Variants in SNRPN observed in about 807,000 individuals in gnomAD.
The protein encoded by SNRPN is small nuclear ribonucleoprotein-associated protein N.
SNRPN carries 7 observed loss-of-function variants against 25.2 expected under a neutral mutation model. That is an observed-to-expected ratio of 0.28 (90% CI 0.16 to 0.52). SNRPN has a LOEUF of 0.52. SNRPN is among the 20% of genes least tolerant of loss of function. The pLI is 0.96. For synonymous variants in SNRPN, 124 were observed against 110.6 expected, an observed-to-expected ratio of 1.12 and a Z score of -0.76; for missense variants, 196 against 322.5, an observed-to-expected ratio of 0.61 and a Z score of 3.00.
intron 2 of SNRPN, among the ~76,000 whole-genome samples, chr15:24,905,746 A>G (rs954807454): frequency 6.6e-6 from 1 of 152,226 alleles, no homozygotes; most frequent in Non-Finnish European, 1.5e-5. Flanking sequence ...TCAGCTTCTG[A>G]GTCCAGAGAT....
At position 24,978,600 on chromosome 15, in the gene SNRPN, T is replaced by TA. The variant is rs2077325327; in HGVS notation, c.*156_*157insA. 1.4e-6 allele frequency: 1 copy of TA among 721,336 alleles called. No individual in the cohort carries two copies. The highest frequency in any genetic ancestry group is 2.3e-6 in the Non-Finnish European group (1 of 426,354). The allele number at this position is 721,336 out of a possible 1,614,324, so 44.7% of individuals were successfully genotyped here. The stretch of plus-strand genomic sequence containing the variant: ...AAACTGTGAGGTACTGTTGTATATA[T>TA]TTTTTTGCCTGTTGATTTTGATGAG... On this transcript the variant is annotated 3_prime_UTR_variant, in exon 10 of 10. Transcript: ENST00000390687.
At chr15:24,896,401 C>T (rs1464213069) in intron 2 of SNRPN, among the ~76,000 whole-genome samples, 4 of 152,148 alleles carry the variant, frequency 2.6e-5, no homozygotes, top group South Asian at 4.1e-4. Context: ...TTAAAGAAAT[C>T]AGTTGGCTTT....
chr15:24,965,750 T>C (rs1278780544), intron 2 of SNRPN, among the ~76,000 whole-genome samples: 1 of 152,180 alleles, frequency 6.6e-6, no homozygotes, highest in Non-Finnish European at 1.5e-5. Context: ...ACTCTATGAA[T>C]TAAATTCTGT....
intron 2 of SNRPN, among the ~76,000 whole-genome samples, chr15:24,843,156 C>T (rs2143742751): frequency 6.6e-6 from 1 of 152,184 alleles, no homozygotes; most frequent in African/African-American, 2.4e-5. Flanking sequence ...TCACTGCAAC[C>T]TCCACCTCCT....
chr15:24,919,600 C>G (rs1165660783), intron 2 of SNRPN, among the ~76,000 whole-genome samples: 1 of 152,018 alleles, frequency 6.6e-6, no homozygotes, highest in Non-Finnish European at 1.5e-5. Context: ...TGGAAAATTA[C>G]CAATGAGAAA....
chr15:24,891,172 A>C (rs2057635099), intron 2 of SNRPN, among the ~76,000 whole-genome samples: 1 of 150,706 alleles, frequency 6.6e-6, no homozygotes, highest in South Asian at 2.1e-4. Context: ...TCGCCTCCTT[A>C]AATGCTGGGA....
chr15:24,825,469 G>A (rs925023294), intron 1 of SNRPN, among the ~76,000 whole-genome samples: 1 of 152,076 alleles, frequency 6.6e-6, no homozygotes, highest in African/African-American at 2.4e-5. Context: ...GTTCTGTTCT[G>A]ATAAATGGAA....
chr15:24,890,606 G>A (rs1164990628), intron 2 of SNRPN, among the ~76,000 whole-genome samples: 2 of 152,130 alleles, frequency 1.3e-5, no homozygotes, highest in African/African-American at 4.8e-5. Context: ...TTGAACCCAG[G>A]AGGTGGAGGT....
intron 1 of SNRPN, among the ~76,000 whole-genome samples, chr15:24,956,229 T>C (rs1315809409): frequency 2.0e-5 from 3 of 152,090 alleles, no homozygotes; most frequent in African/African-American, 7.2e-5. Flanking sequence ...TTTCTCTCTG[T>C]TGGGAACCAG....
chr15:24,968,087 G>C lies in SNRPN; in HGVS notation c.-144+5G>C. The C allele has an allele frequency of 6.9e-7, 1 of 1,458,244 alleles. No homozygotes were observed. Among genetic ancestry groups the C allele is most frequent in the Non-Finnish European group, 9.6e-7 (1 of 1,038,500 alleles). The allele number at this position is 1,458,244 out of a possible 1,614,324, so 90.3% of individuals were successfully genotyped here. On this transcript the variant is annotated splice_donor_5th_base_variant and intron_variant, in intron 3 of 9. Coordinates refer to ENST00000390687, the MANE Select transcript of SNRPN (RefSeq NM_003097.6). ...CTGATTCCAAGCAAAAACCAGGTTA[G>C]AGCTAATGCAGCAATGATCAAGAAT...
At chr15:24,847,351 A>G (rs1296981527) in intron 2 of SNRPN, among the ~76,000 whole-genome samples, 1 of 152,156 alleles carries the variant, frequency 6.6e-6, no homozygotes, top group Non-Finnish European at 1.5e-5. Context: ...TTTAAAAACT[A>G]AAATATTGGC....
intron 3 of SNRPN, among the ~76,000 whole-genome samples, chr15:24,936,983 G>A (rs760892404): frequency 3.3e-5 from 5 of 152,146 alleles, no homozygotes; most frequent in Non-Finnish European, 7.3e-5. Context: ...GATGGCTCAC[G>A]TGTGTAATCC....
chr15:24,825,738 A>G (rs2050035874), intron 1 of SNRPN, among the ~76,000 whole-genome samples: 1 of 152,130 alleles, frequency 6.6e-6, no homozygotes, highest in Admixed American at 6.5e-5. Flanking sequence ...CATATTTTAT[A>G]ATGTGTTAAA....
rs2060643323 is a variant in SNRPN at position 24,929,358 on chromosome 15, G to A, written c.-391+9234G>A. Among the ~76,000 whole-genome samples the A allele has an allele frequency of 2.0e-5, 3 of 152,044 alleles. No individual in the cohort carries two copies. The highest frequency in any genetic ancestry group is 2.0e-4 in the Admixed American group (3 of 15,284). ...TCCCTACTCTCCCCCTTGCCTCCTA[G>A]GGTCCCCTTTCCTCTCATCAGTTGC... On this transcript the variant is annotated intron_variant, in intron 3 of 11. Transcript: ENST00000400097. This position sits in a 1 kb window ranked among gnomAD's most constrained non-coding sequence, Gnocchi z 5.3.
At chr15:24,954,774 T>C (rs1161062189), upstream of SNRPN, among the ~76,000 whole-genome samples, 1 of 152,222 alleles carries the variant, frequency 6.6e-6, no homozygotes, top group East Asian at 1.9e-4. Context: ...CCCAGGTTGC[T>C]TATGGTTTCT....
chr15:24,971,652 T>C (rs765357774), intron 3 of SNRPN, among the ~76,000 whole-genome samples: 1 of 152,140 alleles, frequency 6.6e-6, no homozygotes, highest in East Asian at 1.9e-4. Context: ...GCTAAGCTTG[T>C]GGGAGTTATT....
intron 2 of SNRPN, among the ~76,000 whole-genome samples, chr15:24,837,981 C>T (rs2051361676): frequency 6.6e-6 from 1 of 151,870 alleles, no homozygotes; most frequent in East Asian, 1.9e-4. Context: ...CCTCGGCCTC[C>T]CAAAGTGCTG....
intron 1 of SNRPN, among the ~76,000 whole-genome samples, chr15:24,957,773 T>A (rs1308002715): frequency 3.9e-5 from 6 of 152,154 alleles, no homozygotes; most frequent in African/African-American, 1.4e-4. Flanking sequence ...GCAGTTCACA[T>A]ACATATATTT....
upstream of SNRPN, among the ~76,000 whole-genome samples, chr15:24,953,573 G>A (rs1423800218): frequency 2.0e-5 from 3 of 152,144 alleles, no homozygotes; most frequent in East Asian, 1.9e-4. Flanking sequence ...TGCCCACCTC[G>A]GCCTCCCAAA....
Sources: allele counts gnomAD v4.1 joint callset (sites outside exome capture counted in the v4.1 genomes callset), GRCh38; gene constraint gnomAD v4.1.1; non-coding constraint Gnocchi (gnomAD v3.1); transcripts MANE v1.5; gene names NCBI Gene and HGNC (gene_info 2026-07-23, HGNC 2026-07-21).